UPB1: variants seen among roughly 807,000 people sequenced by gnomAD.
UPB1 encodes beta-ureidopropionase.
In UPB1, 40 loss-of-function variants were observed where a neutral mutation model predicts 49.1. The observed-to-expected ratio is 0.81, with a 90% CI of 0.63 to 1.06. The LOEUF is 1.06. Ranked by LOEUF, UPB1 falls within the 50% of genes least tolerant of loss-of-function variation. The probability of loss-of-function intolerance (pLI) is 0.00; values close to 1 mark genes in which losing one functional copy is unlikely to be tolerated. For missense variants in UPB1, 499 were observed against 505.9 expected, an observed-to-expected ratio of 0.99 and a Z score of 0.13; for synonymous variants, 207 against 198.2, an observed-to-expected ratio of 1.04 and a Z score of -0.38.
intron 6 of UPB1, among the ~76,000 whole-genome samples, chr22:24,517,013 T>C (rs1046386408): frequency 4.6e-5 from 7 of 152,226 alleles, no homozygotes; most frequent in East Asian, 1.9e-4. Flanking sequence ...CGTGAGCCAC[T>C]GCCCCCGGCC....
At position 24,515,383 on chromosome 22, in the gene UPB1, G is replaced by T. The variant is rs1310588667; in HGVS notation, c.791+13G>T. 1 of 1,613,902 alleles carries T rather than the reference G, an allele frequency of 6.2e-7. No individual in the cohort carries two copies. Among genetic ancestry groups the T allele is most frequent in the Non-Finnish European group, 8.5e-7 (1 of 1,179,940 alleles). ...TAGGAGCACTCAGGTCACTCAGTTG[G>T]TGGGGTCTGGGGGGCTTCCTGGGGC... On this transcript the variant is annotated intron_variant, in intron 6 of 9. Coordinates refer to ENST00000326010, the MANE Select transcript of UPB1 (RefSeq NM_016327.3).
At chr22:24,496,402 C>T (rs9608291) in intron 1 of UPB1, among the ~76,000 whole-genome samples, 18,203 of 107,348 alleles carry the variant, frequency 0.17, 1,223 homozygotes, top group Admixed American at 0.23. Flanking sequence ...CACACACACA[C>T]ATACACACAC....
At chr22:24,525,286 G>A (rs973590694) in intron 9 of UPB1, among the ~76,000 whole-genome samples, 2 of 152,154 alleles carry the variant, frequency 1.3e-5, no homozygotes, top group African/African-American at 4.8e-5. Flanking sequence ...CTGTATCCAC[G>A]ATGAGATGCC....
intron 1 of UPB1, 148 bp from the exon 2 acceptor site, chr22:24,499,959 A>G: frequency 8.4e-7 from 1 of 1,193,936 alleles, no homozygotes; most frequent in Non-Finnish European, 1.2e-6. Context: ...ACTGCTCGCC[A>G]GCTCCCTTGG....
At chr22:24,496,485 C>G (rs1287583188) in intron 1 of UPB1, among the ~76,000 whole-genome samples, 2 of 151,966 alleles carry the variant, frequency 1.3e-5, no homozygotes, top group Non-Finnish European at 2.9e-5. Flanking sequence ...GAGATCCTGA[C>G]CTTAATTACG....
At chr22:24,525,523 A>G (rs747949482) in intron 9 of UPB1, among the ~76,000 whole-genome samples, 188 bp from the exon 10 acceptor site, 1 of 152,208 alleles carries the variant, frequency 6.6e-6, no homozygotes, top group East Asian at 1.9e-4. Context: ...GCTGGGCTGT[A>G]TGAGTCATTG....
chr22:24,520,802 T>C (rs1333992389), intron 7 of UPB1, among the ~76,000 whole-genome samples: 1 of 152,192 alleles, frequency 6.6e-6, no homozygotes, highest in South Asian at 2.1e-4. Flanking sequence ...ATTAATCAGA[T>C]AGCAAACTCT....
intron 1 of UPB1, among the ~76,000 whole-genome samples, chr22:24,499,530 CCAAGCCCA>C (rs1369937485): frequency 1.3e-5 from 2 of 152,172 alleles, no homozygotes; most frequent in Non-Finnish European, 2.9e-5. Flanking sequence ...CTGGGCCCCT[CCAAGCCCA>C]CCCAACACCA....
intron 8 of UPB1, among the ~76,000 whole-genome samples, chr22:24,523,129 G>A (rs996604732): frequency 3.9e-5 from 6 of 152,138 alleles, no homozygotes; most frequent in Non-Finnish European, 8.8e-5. Flanking sequence ...TCCACTGGGT[G>A]CCTGCTGCAT....
Position 24,500,222 on chromosome 22 carries a change from G to A in UPB1, c.220G>A (p.Val74Met), listed in dbSNP as rs765021908. 3.1e-5 allele frequency: 50 copies of A among 1,614,104 alleles called. No individual in the cohort carries two copies. Among genetic ancestry groups the A allele is most frequent in the Non-Finnish European group, 3.7e-5 (44 of 1,180,046 alleles). ...EQLRRPRIVH[V>M]GLVQNRIPLP... is the part of the protein sequence containing the mutation. ...GCTGAGACGACCCCGCATTGTGCAC[G>A]TGGGGCTGGTTCAGAACAGAATCCC... is the stretch of plus-strand genomic sequence containing the variant. Residue 74 changes from valine (V) to methionine (M), a missense_variant, in exon 2 of 10, where the codon GTG becomes ATG. Physicochemically the swap from Val to Met is conservative, Grantham distance 21 (BLOSUM62 1). Transcript: ENST00000326010.
At chr22:24,497,449 T>C (rs2043913424) in intron 1 of UPB1, among the ~76,000 whole-genome samples, 1 of 152,194 alleles carries the variant, frequency 6.6e-6, no homozygotes, top group Non-Finnish European at 1.5e-5. Flanking sequence ...AAGATGAAGT[T>C]CCAGAAGTGA....
At chr22:24,516,341 C>T (rs2044293014) in intron 6 of UPB1, among the ~76,000 whole-genome samples, 1 of 152,184 alleles carries the variant, frequency 6.6e-6, no homozygotes, top group African/African-American at 2.4e-5. Context: ...TACCCCACCC[C>T]TGGGGCCCCT....
At chr22:24,501,853 C>T (rs543827264) in intron 2 of UPB1, among the ~76,000 whole-genome samples, 76 of 152,256 alleles carry the variant, frequency 5.0e-4, no homozygotes, top group Admixed American at 1.3e-3. Context: ...CTCATCCCTG[C>T]CTCTCAGCAA....
chr22:24,506,453 G>C (rs2147011803), intron 3 of UPB1, among the ~76,000 whole-genome samples: 1 of 152,276 alleles, frequency 6.6e-6, no homozygotes, highest in Non-Finnish European at 1.5e-5. Flanking sequence ...TACTGCTAGC[G>C]GGACTCAGTT....
intron 6 of UPB1, chr22:24,520,139 C>T (rs1601512914): frequency 1.8e-6 from 1 of 566,312 alleles, no homozygotes; most frequent in East Asian, 3.0e-5. Context: ...TGCAGCAGGC[C>T]CTTCCCAAAG....
At chr22:24,508,242 T>C (rs553182067) in intron 3 of UPB1, among the ~76,000 whole-genome samples, 1 of 152,296 alleles carries the variant, frequency 6.6e-6, no homozygotes, top group South Asian at 2.1e-4. Context: ...TGGAAACTTC[T>C]GTTAGGCTAA....
chr22:24,496,376 C>CACACACACACACACACACACACACAT (rs2043879804), intron 1 of UPB1, among the ~76,000 whole-genome samples: 1 of 128,426 alleles, frequency 7.8e-6, no homozygotes, highest in Non-Finnish European at 1.6e-5. Context: ...GTCTCAAACA[C>CACACACACACACACACACACACACAT]ACACACACAC....
intron 3 of UPB1, chr22:24,502,893 A>T (rs371168602): frequency 8.8e-5 from 18 of 203,706 alleles, no homozygotes; most frequent in Admixed American, 7.4e-4. Context: ...GTCAACTTTG[A>T]TTCCTTTTCT....
chr22:24,513,382 A>G lies in UPB1; in HGVS notation c.518A>G (p.His173Arg). 1.2e-6 allele frequency: 2 copies of G among 1,614,198 alleles called. No individual in the cohort carries two copies. Among genetic ancestry groups the G allele is most frequent in the Non-Finnish European group, 1.7e-6 (2 of 1,180,038 alleles). ...VSPILERDSE[H>R]GDVLWNTAVV... ...CCCATCCTGGAACGAGACAGCGAGC[A>G]TGGGGATGTTTTGTGGAATACAGCC... The change falls in exon 5 of 10, where the codon CAT becomes CGT. Residue 173 changes from histidine to arginine, a missense_variant. Coordinates refer to ENST00000326010, the MANE Select transcript of UPB1 (RefSeq NM_016327.3).
Sources: allele counts gnomAD v4.1 joint callset (sites outside exome capture counted in the v4.1 genomes callset), GRCh38; gene constraint gnomAD v4.1.1; transcripts MANE v1.5; gene names NCBI Gene and HGNC (gene_info 2026-07-23, HGNC 2026-07-21).